The following EFHD1 variants were observed in gnomAD, a reference collection of about 807,000 sequenced individuals.
The protein encoded by EFHD1 is EF-hand domain family member D1.
In EFHD1, 10 loss-of-function variants were observed where a neutral mutation model predicts 17.2. The ratio of observed to expected loss-of-function variants is 0.58; its 90% CI spans 0.36 to 0.99. The LOEUF (loss-of-function observed/expected upper bound fraction) is 0.99, where lower values mean the gene tolerates loss of function less well. EFHD1 is among the 50% of genes least tolerant of loss of function. The pLI, the probability that EFHD1 is intolerant of heterozygous loss-of-function variation, is 0.01. For synonymous variants in EFHD1, 153 were observed against 142.0 expected (o/e 1.08, Z -0.55); for missense variants, 310 against 327.5 (o/e 0.95, Z 0.41).
At chr2:232,677,264 AACAC>A (rs1191654911) in intron 3 of EFHD1, among the ~76,000 whole-genome samples, 70 of 53,008 alleles carry the variant, frequency 1.3e-3, no homozygotes, top group Non-Finnish European at 3.4e-3. Context: ...ATCTTTCTAT[AACAC>A]ACACATACAC....
At chr2:232,664,294 A>G (rs994829985) in intron 2 of EFHD1, among the ~76,000 whole-genome samples, 28 of 150,490 alleles carry the variant, frequency 1.9e-4, no homozygotes, top group African/African-American at 6.9e-4. Flanking sequence ...ATGTACCACC[A>G]TGCCCGGCTA....
chr2:232,666,998 C>G (rs559201217), intron 2 of EFHD1, among the ~76,000 whole-genome samples: 11 of 152,196 alleles, frequency 7.2e-5, no homozygotes, highest in Non-Finnish European at 1.6e-4. Context: ...GCTTTCCCCG[C>G]TATTGTGACC....
chr2:232,638,872 A>G (rs1041215113), intron 1 of EFHD1, among the ~76,000 whole-genome samples: 3 of 152,168 alleles, frequency 2.0e-5, no homozygotes, highest in Non-Finnish European at 4.4e-5. Flanking sequence ...ACATTTGACA[A>G]TTTTGAATTG....
chr2:232,606,066 A>C (rs1304338725), exon 1 of EFHD1: 14 of 1,414,744 alleles, frequency 9.9e-6, no homozygotes, highest in Non-Finnish European at 1.4e-5. Context: ...CGCTAAGTGC[A>C]GGCGGATACC....
chr2:232,609,624 G>A (rs1034066547), intron 1 of EFHD1, among the ~76,000 whole-genome samples: 9 of 152,022 alleles, frequency 5.9e-5, no homozygotes, highest in East Asian at 1.9e-4. Context: ...CAGCCAAGGA[G>A]GAAGTCTCGG....
intron 1 of EFHD1, among the ~76,000 whole-genome samples, chr2:232,647,248 A>G (rs1472927569): frequency 6.6e-6 from 1 of 152,224 alleles, no homozygotes; most frequent in African/African-American, 2.4e-5. Flanking sequence ...AAAGCAGGAA[A>G]AGGTCCTGCT....
intron 1 of EFHD1, among the ~76,000 whole-genome samples, chr2:232,652,539 C>T (rs1037715127): frequency 5.9e-5 from 9 of 152,154 alleles, no homozygotes; most frequent in Admixed American, 5.9e-4. Context: ...CTTCACAGTA[C>T]TGCTGTGTTC....
intron 1 of EFHD1, among the ~76,000 whole-genome samples, chr2:232,616,609 A>T (rs1021882274): frequency 2.0e-5 from 3 of 152,166 alleles, no homozygotes; most frequent in African/African-American, 7.2e-5. Context: ...ACATGATGCC[A>T]CTTATATGAG....
At chr2:232,613,602 CCACACACACA>C (rs138706897) in intron 1 of EFHD1, among the ~76,000 whole-genome samples, 54 of 138,282 alleles carry the variant, frequency 3.9e-4, no homozygotes, top group South Asian at 1.2e-3. Flanking sequence ...CAAAGAGGAA[CCACACACACA>C]CACACACACA....
intron 1 of EFHD1, among the ~76,000 whole-genome samples, chr2:232,625,306 T>TG (rs1694088168): frequency 6.6e-6 from 1 of 151,422 alleles, no homozygotes; most frequent in African/African-American, 2.4e-5. Context: ...TTTAAACATT[T>TG]TTTTTTTTTT....
intron 2 of EFHD1, among the ~76,000 whole-genome samples, chr2:232,668,375 C>T (rs1695003974): frequency 6.6e-6 from 1 of 152,182 alleles, no homozygotes. Context: ...ACCTGCTGAC[C>T]TGGCACAGTG....
chr2:232,633,585 G>C (rs545452127), upstream of EFHD1: 2 of 1,302,688 alleles, frequency 1.5e-6, no homozygotes, highest in Non-Finnish European at 9.7e-7. Flanking sequence ...CCCAACCGCC[G>C]GGTCCCCGCC....
chr2:232,627,095 G>T (rs1694121313), intron 1 of EFHD1, among the ~76,000 whole-genome samples: 1 of 139,368 alleles, frequency 7.2e-6, no homozygotes, highest in Non-Finnish European at 1.5e-5. Context: ...GCCAGTTGTG[G>T]TGGCACACAC....
intron 2 of EFHD1, among the ~76,000 whole-genome samples, chr2:232,663,831 G>T (rs1241001359): frequency 6.6e-6 from 1 of 152,116 alleles, no homozygotes; most frequent in Non-Finnish European, 1.5e-5. Flanking sequence ...TATCACCCAG[G>T]CTGGAGTGCA....
intron 1 of EFHD1, among the ~76,000 whole-genome samples, chr2:232,610,204 A>C (rs990168769): frequency 1.3e-5 from 2 of 152,324 alleles, no homozygotes; most frequent in African/African-American, 2.4e-5. Flanking sequence ...TTTGTTCTGC[A>C]AGGCTGAGGC....
rs113031968 is a variant in EFHD1 at position 232,648,727 on chromosome 2, A to G, written c.303-14075A>G. The stretch of plus-strand genomic sequence containing the variant: ...ATGCAGGCTCTGATTCAGCAGGTCT[A>G]GGGGTCTCGGTAGAACTTGAGACTG... On this transcript the variant is annotated intron_variant, in intron 1 of 3. Coordinates refer to ENST00000264059, the MANE Select transcript of EFHD1 (RefSeq NM_025202.4). Among the ~76,000 whole-genome samples the G allele has an allele frequency of 4.0e-3, 610 of 152,052 alleles. 5 individuals are homozygous for G. The highest frequency in any genetic ancestry group is 0.014 in the African/African-American group (560 of 41,456).
intron 1 of EFHD1, among the ~76,000 whole-genome samples, chr2:232,611,076 G>A (rs985499987): frequency 2.6e-5 from 4 of 152,160 alleles, no homozygotes; most frequent in Non-Finnish European, 4.4e-5. Context: ...TACTCAGGAG[G>A]CTGAGATGAG....
chr2:232,612,721 CT>C (rs1244814511), intron 1 of EFHD1, among the ~76,000 whole-genome samples: 2 of 145,968 alleles, frequency 1.4e-5, no homozygotes, highest in Non-Finnish European at 3.0e-5. Context: ...TTGGTAGTTT[CT>C]TTTTTTCTTT....
At chr2:232,675,035 G>T in intron 3 of EFHD1, among the ~76,000 whole-genome samples, 1 of 152,026 alleles carries the variant, frequency 6.6e-6, no homozygotes, top group East Asian at 1.9e-4. Context: ...AATTAGCTGG[G>T]TGTGGTGGTG....
Sources: gnomAD v4.1 joint callset for allele counts (sites outside exome capture counted in the v4.1 genomes callset) on GRCh38, gnomAD v4.1.1 for gene constraint, MANE v1.5 for transcripts, NCBI Gene and HGNC (gene_info 2026-07-23, HGNC 2026-07-21) for gene names.